The following FLT4 variants were observed in gnomAD, a reference collection of about 807,000 sequenced individuals.
The protein encoded by FLT4 is fms related receptor tyrosine kinase 4.
In FLT4, 30 loss-of-function variants were observed where a neutral mutation model predicts 163.2. The observed-to-expected ratio is 0.18, with a 90% CI of 0.14 to 0.25. FLT4 has a LOEUF of 0.25. FLT4 is among the 10% of genes least tolerant of loss of function. FLT4 has a pLI of 1.00. For missense variants in FLT4, 1,510 were observed against 1,863.8 expected (o/e 0.81, Z 3.50); for synonymous variants, 884 against 789.5 (o/e 1.12, Z -2.01).
chr5:180,621,194 G>C lies in FLT4; in HGVS notation c.2079C>G (p.Asp693Glu), dbSNP rs1763114530. The C allele has an allele frequency of 6.2e-7, 1 of 1,612,732 alleles. No homozygotes were observed. The highest frequency in any genetic ancestry group is 1.3e-5 in the African/African-American group (1 of 74,936). Residue 693 changes from aspartate to glutamate, a missense_variant, in exon 14 of 30, where the codon GAC (aspartate) becomes GAG (glutamate). Around this residue, in one of 5 missense-constraint regions of FLT4, gnomAD observed 878 missense variants for 1,016.7 expected, o/e 0.86. Transcript: ENST00000261937. ...NLTDLLVNVS[D>E]SLEMQCLVAG... The stretch of plus-strand genomic sequence containing the variant: ...CCACCAAGCACTGCATCTCCAGCGA[G>C]TCGCTCACGTTCACCAGGAGGTCGG...
chr5:180,639,613 C>T (rs772647914), intron 1 of FLT4, among the ~76,000 whole-genome samples: 19 of 152,130 alleles, frequency 1.2e-4, no homozygotes, highest in Non-Finnish European at 2.6e-4. Flanking sequence ...GGATGGATGG[C>T]TCAACAGACC....
In FLT4 at chr5:180,619,114, G is replaced by A. The variant is rs747276693; in HGVS notation, c.2762-5C>T. 1.3e-6 allele frequency: 2 copies of A among 1,506,580 alleles called. No homozygotes were observed. The highest frequency in any genetic ancestry group is 2.2e-5 in the Admixed American group (1 of 45,250). 93.3% of individuals were successfully genotyped at this position (1,506,580 alleles called of 1,614,324 possible). On this transcript the variant is annotated splice_polypyrimidine_tract_variant and splice_region_variant and intron_variant, in intron 19 of 29. Coordinates refer to ENST00000261937, the MANE Select transcript of FLT4 (RefSeq NM_182925.5). ...CCACGATCACCATGAGGGGGCCTGC[G>A]GCGGGACCGGGCGGCGGCCGTGCGT...
intron 29 of FLT4, among the ~76,000 whole-genome samples, chr5:180,606,962 C>T (rs1761836557): frequency 6.6e-6 from 1 of 151,820 alleles, no homozygotes; most frequent in Non-Finnish European, 1.5e-5. Flanking sequence ...CCTATAATCC[C>T]AGCTACTCAA....
At chr5:180,615,548 C>T (rs866512071) in intron 23 of FLT4, among the ~76,000 whole-genome samples, 3,201 of 24,582 alleles carry the variant, frequency 0.13, 49 homozygotes, top group Middle Eastern at 0.25. Context: ...GCACTGGGCC[C>T]GCCGGTCACC....
rs1021779260 is a variant in FLT4 at position 180,613,215 on chromosome 5, T to C, written c.3332-105A>G. On this transcript the variant is annotated intron_variant, in intron 24 of 29. Coordinates refer to ENST00000261937, the MANE Select transcript of FLT4 (RefSeq NM_182925.5). ...CCTTCCCCATCAAGTCACCCCGTCCTGTCCCTTTCCCCATCCGTGGTGGGG... is the reference window on the plus strand; with the variant it reads ...CCTTCCCCATCAAGTCACCCCGTCCCGTCCCTTTCCCCATCCGTGGTGGGG... 72 of 758,664 alleles carry C rather than the reference T, an allele frequency of 9.5e-5. 1 individual carries two copies. The highest frequency in any genetic ancestry group is 3.3e-5 in the Non-Finnish European group (15 of 456,390). The allele number at this position is 758,664 out of a possible 1,614,324, so 47.0% of individuals were successfully genotyped here.
At chr5:180,644,319 C>G (rs760502241) in intron 1 of FLT4, among the ~76,000 whole-genome samples, 3 of 152,144 alleles carry the variant, frequency 2.0e-5, no homozygotes, top group Non-Finnish European at 2.9e-5. Context: ...AGGCTGTGCA[C>G]GGAGGGGCAC....
intron 29 of FLT4, among the ~76,000 whole-genome samples, chr5:180,607,002 C>T (rs547462591): frequency 4.6e-5 from 7 of 152,124 alleles, no homozygotes; most frequent in South Asian, 2.1e-4. Flanking sequence ...CACGTGAACC[C>T]GGGAGGTGGA....
At chr5:180,626,821 C>T (rs972873585) in intron 8 of FLT4, among the ~76,000 whole-genome samples, 4 of 152,206 alleles carry the variant, frequency 2.6e-5, no homozygotes, top group African/African-American at 9.6e-5. Context: ...CCACACCCCG[C>T]CCCCAGGCCT....
chr5:180,603,270 C>T lies in FLT4; in HGVS notation c.4014G>A (p.Gly1338=). Reference sequence around the variant, plus strand: ...CCTCCTCGCTTGGCTCCGACAGCTCCCCATACTCGCTGTTGTAAAACACCT... The same window carrying T: ...CCTCCTCGCTTGGCTCCGACAGCTCTCCATACTCGCTGTTGTAAAACACCT... ...GGQVFYNSEY[G]ELSEPSEEDH... is the part of the protein sequence containing the mutation. The change falls in exon 30 of 30, where the codon GGG becomes GGA. Residue 1338 remains glycine, a synonymous_variant. Coordinates refer to ENST00000261937, the MANE Select transcript of FLT4 (RefSeq NM_182925.5). 6.2e-7 allele frequency: 1 copy of T among 1,614,144 alleles called. No homozygotes were observed. The highest frequency in any genetic ancestry group is 8.5e-7 in the Non-Finnish European group (1 of 1,180,038).
Position 180,620,291 on chromosome 5 carries a change from G to A in FLT4, c.2424C>T (p.Ile808=). The A allele has an allele frequency of 6.2e-7, 1 of 1,611,990 alleles. No individual in the cohort carries two copies. The highest frequency in any genetic ancestry group is 8.5e-7 in the Non-Finnish European group (1 of 1,179,978). ...CNMRRPAHAD[I]KTGYLSIIMD... ...TGATGATGGACAGGTAGCCCGTCTT[G>A]ATGTCTGCGTGGGCCGGCTGCGGGG... The change falls in exon 17 of 30, where the codon ATC becomes ATT. Residue 808 remains isoleucine (I), a synonymous_variant. Coordinates refer to ENST00000261937, the MANE Select transcript of FLT4 (RefSeq NM_182925.5). This position sits in a 1 kb window ranked among gnomAD's most constrained non-coding sequence, Gnocchi z 4.4.
chr5:180,638,129 G>A (rs893380651), intron 1 of FLT4, among the ~76,000 whole-genome samples: 2 of 152,128 alleles, frequency 1.3e-5, no homozygotes, highest in African/African-American at 4.8e-5. Flanking sequence ...ACACAGTGCT[G>A]GCCACCGCCG....
At position 180,629,979 on chromosome 5, in the gene FLT4, C is replaced by T. The variant is rs1297682245; in HGVS notation, c.640G>A (p.Asp214Asn). 1 of 1,612,884 alleles carries T rather than the reference C, an allele frequency of 6.2e-7. No individual in the cohort carries two copies. The highest frequency in any genetic ancestry group is 2.2e-5 in the East Asian group (1 of 44,882). ...LQCETTWGDQ[D>N]FLSNPFLVHI... ...ACCAGGAAGGGGTTGGAAAGGAAGT[C>T]CTGGTCTCCCCAGGTGGTCTCGCAC... The change falls in exon 5 of 30, where the codon GAC (aspartate) becomes AAC (asparagine). Residue 214 changes from aspartate to asparagine, a missense_variant. Around this residue, in one of 5 missense-constraint regions of FLT4, gnomAD observed 163 missense variants for 281.1 expected, o/e 0.58. Coordinates refer to ENST00000261937, the MANE Select transcript of FLT4 (RefSeq NM_182925.5).
At position 180,620,003 on chromosome 5, in the gene FLT4, G is replaced by T. The variant is rs1763000377; in HGVS notation, c.2542+170C>A. Among the ~76,000 whole-genome samples the T allele has an allele frequency of 6.6e-6, 1 of 152,158 alleles. No homozygotes were observed. The highest frequency in any genetic ancestry group is 2.1e-4 in the South Asian group (1 of 4,822). On this transcript the variant is annotated intron_variant, in intron 17 of 29. Transcript: ENST00000261937. This position sits in a 1 kb window ranked among gnomAD's most constrained non-coding sequence, Gnocchi z 4.4. ...GCAGCAGGTGACCTCAGGGAGCCTG[G>T]GAACTGGGGACCCTGGCTGAGGTTC...
Position 180,618,847 on chromosome 5 carries a change from C to T in FLT4, c.2924G>A (p.Gly975Glu). The T allele has an allele frequency of 6.3e-7, 1 of 1,581,056 alleles. No homozygotes were observed. The highest frequency in any genetic ancestry group is 8.6e-7 in the Non-Finnish European group (1 of 1,164,236). Residue 975 changes from glycine (G) to glutamate (E), a missense_variant, in exon 21 of 30, where the codon GGG becomes GAG. By Grantham distance (98) the Gly-to-Glu change is moderately conservative. Transcript: ENST00000261937. ...ELARLDRRRP[G>E]SSDRVLFARF... Reference sequence around the variant, plus strand: ...CGCGAAGAGGACCCTGTCGCTGCTCCCCGGCCGCCTCCGATCCAGCCTGGC... The same window carrying T: ...CGCGAAGAGGACCCTGTCGCTGCTCTCCGGCCGCCTCCGATCCAGCCTGGC...
intron 29 of FLT4, 96 bp from the exon 30 acceptor site, chr5:180,603,486 C>T (rs946134258): frequency 1.4e-5 from 16 of 1,128,668 alleles, no homozygotes; most frequent in African/African-American, 1.4e-4. Flanking sequence ...CCTAGGCAGG[C>T]GGATGGCTTC....
chr5:180,632,599 GGTGTGTGT>G (rs36217296), intron 1 of FLT4, among the ~76,000 whole-genome samples: 7,686 of 150,682 alleles, frequency 0.051, 286 homozygotes, highest in East Asian at 0.094. Context: ...CCCGTGAGGT[GGTGTGTGT>G]GTGTGTGTGT....
chr5:180,621,450 GAC>G (rs1763138612), intron 13 of FLT4, 90 bp downstream of exon 13: 1 of 1,546,196 alleles, frequency 6.5e-7, no homozygotes, highest in Non-Finnish European at 8.7e-7. Context: ...GCTGTGAATA[GAC>G]CTCCCAGGGG....
In FLT4 at chr5:180,622,928, A is replaced by AC. The variant is rs34880944; in HGVS notation, c.1549-90dup. ...TTCTGCAAGGAGGTCGCTGTGCACCACCCCCCCCAATCATGGGGGAAACTG... is the reference window on the plus strand; with the variant it reads ...TTCTGCAAGGAGGTCGCTGTGCACCACCCCCCCCCAATCATGGGGGAAACTG... On this transcript the variant is annotated intron_variant, in intron 11 of 29. Coordinates refer to ENST00000261937, the MANE Select transcript of FLT4 (RefSeq NM_182925.5). 49 of 674,946 alleles carry AC rather than the reference A, an allele frequency of 7.3e-5. 1 individual carries two copies. Among genetic ancestry groups the AC allele is most frequent in the Non-Finnish European group, 7.9e-5 (31 of 393,414 alleles). The allele number at this position is 674,946 out of a possible 1,614,324, so 41.8% of individuals were successfully genotyped here. A position where few individuals can be genotyped will look rare whatever the true frequency, so the allele number is the denominator to read the frequency against.
At chr5:180,603,436 T>G (rs1410582175) in intron 29 of FLT4, 46 bp from the exon 30 acceptor site, 1 of 1,567,660 alleles carries the variant, frequency 6.4e-7, no homozygotes, top group Non-Finnish European at 8.7e-7. Flanking sequence ...GAAGGCTGGG[T>G]GGCGGGTGGT....
Sources: gnomAD v4.1 joint callset for allele counts (sites outside exome capture counted in the v4.1 genomes callset) on GRCh38, gnomAD v4.1.1 for gene constraint, gnomAD v4.1.1 regional missense constraint, Gnocchi (gnomAD v3.1) non-coding constraint, MANE v1.5 for transcripts, NCBI Gene and HGNC (gene_info 2026-07-23, HGNC 2026-07-21) for gene names.